KBTBD11: variants seen among roughly 807,000 people sequenced by gnomAD.
KBTBD11 encodes the protein kelch repeat and BTB domain-containing protein 11.
For missense variants in KBTBD11, 1,390 were observed against 1,001.8 expected, an observed-to-expected ratio of 1.39 and a Z score of -5.23; for synonymous variants, 747 against 499.0, an observed-to-expected ratio of 1.50 and a Z score of -6.63.
chr8:1,978,034 G>A (rs767125179), intron 1 of KBTBD11, among the ~76,000 whole-genome samples: 1 of 152,186 alleles, frequency 6.6e-6, no homozygotes, highest in Non-Finnish European at 1.5e-5. Flanking sequence ...TACATGTGCG[G>A]GAGGTGCAGT....
At chr8:1,987,251 A>G (rs1485182946) in intron 1 of KBTBD11, among the ~76,000 whole-genome samples, 1 of 152,184 alleles carries the variant, frequency 6.6e-6, no homozygotes, top group Non-Finnish European at 1.5e-5. Flanking sequence ...ATTATCCAGT[A>G]TCTTTTTGCA....
chr8:1,991,871 A>G (rs1816931927), intron 1 of KBTBD11, among the ~76,000 whole-genome samples: 1 of 152,014 alleles, frequency 6.6e-6, no homozygotes, highest in African/African-American at 2.4e-5. Context: ...TGTGTCTGAC[A>G]CCAAAGGGAA....
At chr8:1,983,847 G>A (rs1414286963) in intron 1 of KBTBD11, among the ~76,000 whole-genome samples, 2 of 152,210 alleles carry the variant, frequency 1.3e-5, no homozygotes, top group Non-Finnish European at 2.9e-5. Flanking sequence ...GTCACACATG[G>A]GGCTGGGCGT....
At chr8:1,987,740 A>ATTG (rs1816752630) in intron 1 of KBTBD11, among the ~76,000 whole-genome samples, 3 of 151,338 alleles carry the variant, frequency 2.0e-5, no homozygotes, top group African/African-American at 7.3e-5. Context: ...TATTATTATT[A>ATTG]TTATTATTAT....
At chr8:1,978,094 C>G (rs1166462206) in intron 1 of KBTBD11, among the ~76,000 whole-genome samples, 1 of 152,180 alleles carries the variant, frequency 6.6e-6, no homozygotes, top group Non-Finnish European at 1.5e-5. Context: ...CACCTGTCAA[C>G]CCATCACCTA....
At position 2,001,640 on chromosome 8, in the gene KBTBD11, C is replaced by A. The variant is rs1338727020; in HGVS notation, c.448C>A (p.Arg150=). ...CCTGGTGCTGGAGGTGTCGGGGCGC[C>A]GGCTGCGCGCGCACAAGGCGGTGCT... is the stretch of plus-strand genomic sequence containing the variant. ...PDLVLEVSGR[R]LRAHKAVLAA... is the part of the protein sequence containing the mutation. Residue 150 remains arginine (R), a synonymous_variant, in exon 2 of 2, where the codon CGG becomes AGG. Transcript: ENST00000320248. The A allele has an allele frequency of 3.0e-5, 44 of 1,478,298 alleles. 1 individual carries two copies. The highest frequency in any genetic ancestry group is 3.9e-5 in the Non-Finnish European group (44 of 1,120,014). 91.6% of individuals were successfully genotyped at this position (1,478,298 alleles called of 1,614,324 possible). A position where few individuals can be genotyped will look rare whatever the true frequency, so the allele number is the denominator to read the frequency against.
At chr8:1,993,959 A>ACACACACAC (rs1554527405) in intron 1 of KBTBD11, among the ~76,000 whole-genome samples, 2 of 150,048 alleles carry the variant, frequency 1.3e-5, no homozygotes, top group Admixed American at 6.6e-5. Context: ...ACACACACAC[A>ACACACACAC]AAACCCCATA....
At position 2,001,471 on chromosome 8, in the gene KBTBD11, C is replaced by G; in HGVS notation, c.279C>G (p.Ser93=). 4 of 1,371,588 alleles carry G rather than the reference C, an allele frequency of 2.9e-6. No homozygotes were observed. The highest frequency in any genetic ancestry group is 2.8e-6 in the Non-Finnish European group (3 of 1,070,840). 85.0% of individuals were successfully genotyped at this position (1,371,588 alleles called of 1,614,324 possible). A position where few individuals can be genotyped will look rare whatever the true frequency, so the allele number is the denominator to read the frequency against. ...AGAASPEELA[S]PEERACPEEP... is the part of the protein sequence containing the mutation. ...CCGCGTCCCCGGAGGAGCTCGCGTC[C>G]CCTGAGGAGCGCGCGTGCCCGGAAG... is the stretch of plus-strand genomic sequence containing the variant. The change falls in exon 2 of 2, where the codon TCC becomes TCG. Residue 93 remains serine, a synonymous_variant. Transcript: ENST00000320248.
chr8:1,979,065 T>C (rs1391100345), intron 1 of KBTBD11, among the ~76,000 whole-genome samples: 1 of 152,024 alleles, frequency 6.6e-6, no homozygotes, highest in Non-Finnish European at 1.5e-5. Context: ...TACATGTGTG[T>C]GCATGTGTGT....
intron 1 of KBTBD11, chr8:1,975,781 A>G (rs1432002570): frequency 6.6e-6 from 1 of 152,248 alleles, no homozygotes; most frequent in African/African-American, 2.4e-5. Flanking sequence ...CTTGAACCTC[A>G]GAGCACCTTG....
At position 1,978,742 on chromosome 8, in the gene KBTBD11, A is replaced by G. The variant is rs1346635180; in HGVS notation, c.-909+4807A>G. On this transcript the variant is annotated intron_variant, in intron 1 of 1. Transcript: ENST00000320248. The stretch of plus-strand genomic sequence containing the variant: ...TGGGCGTGCCGAGCAGGGTTCATCC[A>G]TGCGGCATGTTTGGAAAATAGAATC... Among the ~76,000 whole-genome samples, 6 of 152,190 alleles carry G rather than the reference A, an allele frequency of 3.9e-5. No individual in the cohort carries two copies. In the East Asian group the frequency reaches 9.6e-4, roughly 24 times the overall value.
At chr8:1,978,544 C>T (rs1033435300) in intron 1 of KBTBD11, among the ~76,000 whole-genome samples, 2 of 152,196 alleles carry the variant, frequency 1.3e-5, no homozygotes, top group African/African-American at 4.8e-5. Flanking sequence ...TGTGTTGAGT[C>T]AGGGTCACCA....
intron 1 of KBTBD11, among the ~76,000 whole-genome samples, chr8:1,979,036 G>A (rs563764869): frequency 6.6e-6 from 1 of 152,170 alleles, no homozygotes; most frequent in Non-Finnish European, 1.5e-5. Context: ...GGTTCTCCAG[G>A]GAAACACAAC....
intron 1 of KBTBD11, among the ~76,000 whole-genome samples, chr8:1,980,252 G>A (rs1816495541): frequency 7.4e-6 from 1 of 136,048 alleles, no homozygotes; most frequent in Admixed American, 7.9e-5. Flanking sequence ...TTTTGAGATG[G>A]GGTCTTGCTC....
At chr8:1,993,355 A>G (rs765817373) in intron 1 of KBTBD11, among the ~76,000 whole-genome samples, 4 of 76,024 alleles carry the variant, frequency 5.3e-5, no homozygotes, top group South Asian at 7.3e-4. Flanking sequence ...CTGTCCATCC[A>G]TCGGTCCATC....
chr8:1,993,871 T>G (rs1817028584), intron 1 of KBTBD11, among the ~76,000 whole-genome samples: 1 of 150,242 alleles, frequency 6.7e-6, no homozygotes, highest in Admixed American at 6.6e-5. Context: ...GTCTTAGGCA[T>G]CAAGAATTGC....
At chr8:1,977,865 A>C (rs1563361203) in intron 1 of KBTBD11, among the ~76,000 whole-genome samples, 1 of 152,142 alleles carries the variant, frequency 6.6e-6, no homozygotes, top group African/African-American at 2.4e-5. Context: ...AATTCTTACA[A>C]TAGTGGGCCT....
intron 1 of KBTBD11, among the ~76,000 whole-genome samples, chr8:1,993,387 G>GTCCGTCCA (rs1449894132): frequency 2.9e-5 from 3 of 104,056 alleles, no homozygotes; most frequent in African/African-American, 9.0e-5. Context: ...CCGTCCGTCC[G>GTCCGTCCA]TCCGTCCATC....
chr8:2,002,316 G>A lies in KBTBD11; in HGVS notation c.1124G>A (p.Arg375His). 1.5e-6 allele frequency: 2 copies of A among 1,353,264 alleles called. No homozygotes were observed. The highest frequency in any genetic ancestry group is 1.6e-5 in the African/African-American group (1 of 63,652). 83.8% of individuals were successfully genotyped at this position (1,353,264 alleles called of 1,614,324 possible). ...GTGGCGCCCGCGGGCCCCGACGGCC[G>A]CGCGCGCCCGTCCGACCAGGTCTTC... ...GGVAPAGPDG[R>H]ARPSDQVFCY... Residue 375 changes from arginine (R) to histidine (H), a missense_variant, in exon 2 of 2, where the codon CGC becomes CAC. Physicochemically the swap from Arg to His is conservative, Grantham distance 29. Coordinates refer to ENST00000320248, the MANE Select transcript of KBTBD11 (RefSeq NM_014867.3). The surrounding 1 kb of genome is among the most constrained non-coding windows in gnomAD (Gnocchi z 4.1).
Sources: gnomAD v4.1 joint callset for allele counts (sites outside exome capture counted in the v4.1 genomes callset) on GRCh38, gnomAD v4.1.1 for gene constraint, Gnocchi (gnomAD v3.1) non-coding constraint, MANE v1.5 for transcripts, NCBI Gene and HGNC (gene_info 2026-07-23, HGNC 2026-07-21) for gene names.